Variants in RGS22 observed in about 807,000 individuals in gnomAD.
The protein encoded by RGS22 is regulator of G protein signaling 22, also known as regulator of G-protein signaling 22.
RGS22 carries 148 observed loss-of-function variants against 172.9 expected under a neutral mutation model. That is an observed-to-expected ratio of 0.86 (90% CI 0.75 to 0.98). The LOEUF (loss-of-function observed/expected upper bound fraction) is 0.98, where lower values mean the gene tolerates loss of function less well. Among genes scored for constraint, RGS22 ranks in the 50% least tolerant of loss-of-function variants. The probability of loss-of-function intolerance (pLI) is 0.00; values close to 1 mark genes in which losing one functional copy is unlikely to be tolerated. For synonymous variants in RGS22, 458 were observed against 480.2 expected, an observed-to-expected ratio of 0.95 and a Z score of 0.60; for missense variants, 1,347 against 1,440.8, an observed-to-expected ratio of 0.93 and a Z score of 1.05.
intron 10 of RGS22, among the ~76,000 whole-genome samples, chr8:100,052,106 AATGTTTATATATATT>A (rs1563672681): frequency 8.2e-4 from 38 of 46,104 alleles, no homozygotes; most frequent in Admixed American, 2.1e-3. Context: ...TTTATATATA[AATGTTTATATATATT>A]TATATATAAA....
intron 22 of RGS22, among the ~76,000 whole-genome samples, chr8:99,979,306 GCTTT>G (rs1812300016): frequency 6.6e-6 from 1 of 152,000 alleles, no homozygotes; most frequent in African/African-American, 2.4e-5. Context: ...CATTTAGAAG[GCTTT>G]CTAAGTAAAA....
At chr8:100,058,432 T>C (rs1362354240) in intron 9 of RGS22, among the ~76,000 whole-genome samples, 1 of 151,970 alleles carries the variant, frequency 6.6e-6, no homozygotes, top group South Asian at 2.1e-4. Flanking sequence ...AGGTCAAAGA[T>C]AAAGAAAGGA....
intron 18 of RGS22, among the ~76,000 whole-genome samples, chr8:99,999,659 A>C (rs561924671): frequency 3.5e-4 from 53 of 152,296 alleles, no homozygotes; most frequent in African/African-American, 1.1e-3. Context: ...ATGATATATC[A>C]AAAAGAACAC....
Position 100,091,393 on chromosome 8 carries a change from G to A in RGS22, c.117+2054C>T, listed in dbSNP as rs542529897. Among the ~76,000 whole-genome samples the A allele has an allele frequency of 2.0e-3, 306 of 151,794 alleles. 1 individual carries two copies. Among genetic ancestry groups the A allele is most frequent in the South Asian group, 5.8e-3 (28 of 4,802 alleles). Reference sequence around the variant, plus strand: ...GTGAGTGCTTGGGACACACAAAGGGGTCAAACTTCAGGTCTTGCTCAGGAG... The same window carrying A: ...GTGAGTGCTTGGGACACACAAAGGGATCAAACTTCAGGTCTTGCTCAGGAG... On this transcript the variant is annotated intron_variant, in intron 3 of 27. Transcript: ENST00000360863.
intron 14 of RGS22, among the ~76,000 whole-genome samples, chr8:100,029,449 C>G (rs190048494): frequency 4.7e-4 from 71 of 152,230 alleles, no homozygotes; most frequent in Admixed American, 1.2e-3. Flanking sequence ...TGCCTGTAAT[C>G]CCAGCACTTT....
intron 14 of RGS22, among the ~76,000 whole-genome samples, chr8:100,025,217 T>G (rs1019809762): frequency 1.3e-5 from 2 of 152,136 alleles, no homozygotes; most frequent in African/African-American, 4.8e-5. Context: ...CATGACAAAA[T>G]GCGATGCAAC....
intron 14 of RGS22, among the ~76,000 whole-genome samples, chr8:100,033,023 T>C (rs112768397): frequency 0.019 from 2,914 of 152,220 alleles, 86 homozygotes; most frequent in East Asian, 0.11. Context: ...AAGCAGTGTA[T>C]AGAGGGAAAT....
chr8:99,974,657 G>T (rs1373174133), intron 23 of RGS22, among the ~76,000 whole-genome samples: 1 of 151,570 alleles, frequency 6.6e-6, no homozygotes, highest in Non-Finnish European at 1.5e-5. Flanking sequence ...AATTAGCCAG[G>T]TGTGGCAACA....
At chr8:100,045,620 A>G (rs1457419002) in intron 11 of RGS22, among the ~76,000 whole-genome samples, 1 of 152,060 alleles carries the variant, frequency 6.6e-6, no homozygotes, top group East Asian at 1.9e-4. Context: ...ATAAGTTGTT[A>G]TAACTCCTAT....
intron 9 of RGS22, among the ~76,000 whole-genome samples, chr8:100,059,313 G>A (rs1809905795): frequency 6.6e-6 from 1 of 151,942 alleles, no homozygotes; most frequent in Non-Finnish European, 1.5e-5. Flanking sequence ...ATGTAAATGG[G>A]CTAAACTCTC....
At position 100,063,510 on chromosome 8, in the gene RGS22, T is replaced by C; in HGVS notation, c.1258A>G (p.Lys420Glu). 1 of 1,613,902 alleles carries C rather than the reference T, an allele frequency of 6.2e-7. No homozygotes were observed. Among genetic ancestry groups the C allele is most frequent in the Middle Eastern group, 1.6e-4 (1 of 6,062 alleles). Residue 420 changes from lysine to glutamate, a missense_variant, in exon 8 of 28, where the codon AAA becomes GAA. Lys to Glu is a moderately conservative substitution (Grantham distance 56). Transcript: ENST00000360863. ...TCTCCCAATGTACCTTTTATAAATT[T>C]CTTAAATCTTTCAAACTCCTTTCTA... ...GNRKEFERFK[K>E]FIKGTLGERY...
At chr8:100,071,586 G>C in intron 5 of RGS22, 49 bp from the exon 6 acceptor site, 1 of 1,501,838 alleles carries the variant, frequency 6.7e-7, no homozygotes, top group South Asian at 1.3e-5. Context: ...AAATATGGCA[G>C]AATTCAGGGA....
intron 3 of RGS22, among the ~76,000 whole-genome samples, chr8:100,085,532 C>T (rs962020223): frequency 1.3e-5 from 2 of 152,164 alleles, no homozygotes; most frequent in Non-Finnish European, 2.9e-5. Context: ...AAGTTGTCTT[C>T]AACAATGTTC....
In RGS22 at chr8:100,038,726, C is replaced by T. The variant is rs147515966; in HGVS notation, c.2166+205G>A. On this transcript the variant is annotated intron_variant, in intron 14 of 27. Coordinates refer to ENST00000360863, the MANE Select transcript of RGS22 (RefSeq NM_015668.5). ...AGTTGGCAAGAGAAAATAAAGCAAACCAAATAAAAGACATAAAACTGAAAA... is the reference window on the plus strand; with the variant it reads ...AGTTGGCAAGAGAAAATAAAGCAAATCAAATAAAAGACATAAAACTGAAAA... 8.9e-4 allele frequency: 341 copies of T among 384,998 alleles called. 2 individuals carry two copies. Among genetic ancestry groups the T allele is most frequent in the African/African-American group, 6.0e-3 (291 of 48,270 alleles). The allele number at this position is 384,998 out of a possible 1,614,324, so 23.8% of individuals were successfully genotyped here.
rs749620847 is a variant in RGS22, at chr8:99,999,455, G to A, written c.2791-35C>T. 4 of 1,603,608 alleles carry A rather than the reference G, an allele frequency of 2.5e-6. No individual in the cohort carries two copies. The Admixed American group carries it at 6.8e-5, about 27-fold the overall frequency. On this transcript the variant is annotated intron_variant, in intron 18 of 27. Coordinates refer to ENST00000360863, the MANE Select transcript of RGS22 (RefSeq NM_015668.5). ...TTAAGATGGAAACAGAAACTATTGTGCTTTCTAAAAGAAACACTAATAGTC... is the reference window on the plus strand; with the variant it reads ...TTAAGATGGAAACAGAAACTATTGTACTTTCTAAAAGAAACACTAATAGTC...
intron 23 of RGS22, among the ~76,000 whole-genome samples, chr8:99,970,201 T>C (rs529007889): frequency 1.3e-5 from 2 of 152,056 alleles, no homozygotes; most frequent in African/African-American, 2.4e-5. Context: ...AAAGACACAA[T>C]GTACCAGAAT....
intron 2 of RGS22, among the ~76,000 whole-genome samples, chr8:100,094,470 T>A (rs1477923382): frequency 6.6e-6 from 1 of 152,178 alleles, no homozygotes; most frequent in African/African-American, 2.4e-5. Flanking sequence ...GAAAGTGGAT[T>A]TTCAGGGTAA....
At chr8:100,041,999 A>G in intron 11 of RGS22, 83 bp from the exon 12 acceptor site, 1 of 733,246 alleles carries the variant, frequency 1.4e-6, no homozygotes, top group Non-Finnish European at 2.3e-6. Context: ...TTTGGTATAC[A>G]TAGCACCGAA....
chr8:100,038,309 A>C (rs1042352372), intron 14 of RGS22, among the ~76,000 whole-genome samples: 1 of 146,724 alleles, frequency 6.8e-6, no homozygotes, highest in Non-Finnish European at 1.5e-5. Flanking sequence ...CCTTTTACAG[A>C]GAATCCTCTG....
Sources: allele counts gnomAD v4.1 joint callset (sites outside exome capture counted in the v4.1 genomes callset), GRCh38; gene constraint gnomAD v4.1.1; transcripts MANE v1.5; gene names NCBI Gene and HGNC (gene_info 2026-07-23, HGNC 2026-07-21).